The following KCND3 variants were observed in gnomAD, a reference collection of about 807,000 sequenced individuals.
The protein encoded by KCND3 is A-type voltage-gated potassium channel KCND3.
Under a neutral mutation model 51.1 loss-of-function variants are expected in KCND3, and 9 were observed. The observed-to-expected ratio is 0.18, with a 90% CI of 0.11 to 0.31. The LOEUF is 0.31. Among genes scored for constraint, KCND3 ranks in the 10% least tolerant of loss-of-function variants. The pLI, the probability that KCND3 is intolerant of heterozygous loss-of-function variation, is 1.00. For synonymous variants in KCND3, 349 were observed against 368.0 expected, an observed-to-expected ratio of 0.95 and a Z score of 0.59; for missense variants, 526 against 903.8, an observed-to-expected ratio of 0.58 and a Z score of 5.36.
intron 2 of KCND3, among the ~76,000 whole-genome samples, chr1:111,915,907 A>T (rs1671194120): frequency 6.6e-6 from 1 of 152,064 alleles, no homozygotes; most frequent in Admixed American, 6.6e-5. Context: ...GTATTTGTTG[A>T]TAGACCTCAA....
chr1:111,848,651 G>T (rs1667671012), intron 2 of KCND3, among the ~76,000 whole-genome samples: 1 of 152,236 alleles, frequency 6.6e-6, no homozygotes, highest in Non-Finnish European at 1.5e-5. Context: ...GCGGCATGGT[G>T]CGTGGCCCCT....
At chr1:111,873,594 T>C (rs1668922122) in intron 2 of KCND3, among the ~76,000 whole-genome samples, 1 of 152,104 alleles carries the variant, frequency 6.6e-6, no homozygotes, top group Non-Finnish European at 1.5e-5. Context: ...ACAGGCTAAG[T>C]GTCTGTTATG....
At chr1:111,886,524 C>T (rs188075591) in intron 2 of KCND3, among the ~76,000 whole-genome samples, 1 of 152,302 alleles carries the variant, frequency 6.6e-6, no homozygotes, top group Non-Finnish European at 1.5e-5. Context: ...GGGTTAGGGG[C>T]TTTTTGTATA....
chr1:111,984,274 C>T (rs1190578484), intron 1 of KCND3, among the ~76,000 whole-genome samples: 1 of 152,160 alleles, frequency 6.6e-6, no homozygotes, highest in African/African-American at 2.4e-5. Flanking sequence ...CAGATCTCTA[C>T]CTCCCTCAAA....
At chr1:111,859,985 G>A (rs1166310310) in intron 2 of KCND3, among the ~76,000 whole-genome samples, 1 of 152,202 alleles carries the variant, frequency 6.6e-6, no homozygotes, top group Non-Finnish European at 1.5e-5. Context: ...GGAATCTTCT[G>A]CATGCTGCAG....
intron 2 of KCND3, among the ~76,000 whole-genome samples, chr1:111,925,491 G>T (rs1400809515): frequency 6.6e-6 from 1 of 152,202 alleles, no homozygotes; most frequent in African/African-American, 2.4e-5. Context: ...AGCAGTTTTA[G>T]TGGTTAACAG....
At chr1:111,917,804 G>C (rs1671293413) in intron 2 of KCND3, among the ~76,000 whole-genome samples, 3 of 152,176 alleles carry the variant, frequency 2.0e-5, no homozygotes, top group Admixed American at 6.5e-5. Context: ...CCAGACCACT[G>C]CACCTTCCAC....
chr1:111,852,143 A>G (rs1165858340), intron 2 of KCND3, among the ~76,000 whole-genome samples: 1 of 152,204 alleles, frequency 6.6e-6, no homozygotes, highest in African/African-American at 2.4e-5. Context: ...CCCAATATTA[A>G]TCAGGTGCCT....
At chr1:111,817,100 G>C (rs1288034179) in intron 2 of KCND3, among the ~76,000 whole-genome samples, 2 of 151,872 alleles carry the variant, frequency 1.3e-5, no homozygotes, top group Admixed American at 6.6e-5. Flanking sequence ...AGTGTACACT[G>C]TACCAAATAT....
At chr1:111,979,564 A>G (rs1028954518) in intron 2 of KCND3, among the ~76,000 whole-genome samples, 3 of 152,220 alleles carry the variant, frequency 2.0e-5, no homozygotes, top group Non-Finnish European at 2.9e-5. Context: ...CCCTGATGGC[A>G]TGGGAATGAG....
chr1:111,849,798 C>T (rs1667725243), intron 2 of KCND3, among the ~76,000 whole-genome samples: 1 of 152,186 alleles, frequency 6.6e-6, no homozygotes, highest in Admixed American at 6.5e-5. Flanking sequence ...AACTCCGTGG[C>T]CCTGTCCCCT....
chr1:111,857,841 T>C (rs377687349), intron 2 of KCND3, among the ~76,000 whole-genome samples: 1 of 152,138 alleles, frequency 6.6e-6, no homozygotes, highest in Non-Finnish European at 1.5e-5. Context: ...TAGTAATATA[T>C]GAATTTCACT....
At chr1:111,983,606 T>C (rs1377491674) in intron 1 of KCND3, among the ~76,000 whole-genome samples, 1 of 152,074 alleles carries the variant, frequency 6.6e-6, no homozygotes, top group East Asian at 1.9e-4. Flanking sequence ...CTTCCATGCA[T>C]CGTCTCTCTC....
chr1:111,880,422 C>T (rs183156872), intron 2 of KCND3, among the ~76,000 whole-genome samples: 4 of 152,218 alleles, frequency 2.6e-5, no homozygotes, highest in East Asian at 1.9e-4. Flanking sequence ...GGAATCTACC[C>T]GCAGCACCTT....
intron 2 of KCND3, among the ~76,000 whole-genome samples, chr1:111,912,157 G>A (rs1266849277): frequency 2.6e-5 from 4 of 152,248 alleles, no homozygotes; most frequent in African/African-American, 9.6e-5. Context: ...AAGAGTTCAT[G>A]TTCCCAGGTG....
At chr1:111,904,439 T>C (rs979690112) in intron 2 of KCND3, among the ~76,000 whole-genome samples, 1 of 152,202 alleles carries the variant, frequency 6.6e-6, no homozygotes, top group African/African-American at 2.4e-5. Context: ...AGCTTTGCTG[T>C]TCTCTTCCCT....
Position 111,882,389 on chromosome 1 carries a change from T to C in KCND3, c.1107-95283A>G, listed in dbSNP as rs1669374324. Among the ~76,000 whole-genome samples, 3 of 152,124 alleles carry C rather than the reference T, an allele frequency of 2.0e-5. No homozygotes were observed. In the South Asian group the frequency reaches 6.2e-4, roughly 32 times the overall value. ...CCAGTGGCACTTCTTGACATCGGTG[T>C]TAGAGAAAGATGACCTGCTGCTGGT... On this transcript the variant is annotated intron_variant, in intron 2 of 7. Transcript: ENST00000302127.
intron 2 of KCND3, among the ~76,000 whole-genome samples, chr1:111,791,136 G>A (rs1185051468): frequency 2.0e-5 from 3 of 152,184 alleles, no homozygotes; most frequent in Admixed American, 1.3e-4. Context: ...CCAGAGTGGC[G>A]GTGCCATTTT....
Position 111,801,617 on chromosome 1 carries a change from G to C in KCND3, c.1107-14511C>G, listed in dbSNP as rs1319014910. Among the ~76,000 whole-genome samples the C allele has an allele frequency of 2.0e-5, 3 of 152,304 alleles. No homozygotes were observed. The East Asian group carries it at 5.8e-4, about 29-fold the overall frequency. ...GCCAGGCCAGATTCAGTGCTTAGCGGTTTGGCCAATTGACCCAATATATGG... is the reference window on the plus strand; with the variant it reads ...GCCAGGCCAGATTCAGTGCTTAGCGCTTTGGCCAATTGACCCAATATATGG... On this transcript the variant is annotated intron_variant, in intron 2 of 7. Coordinates refer to ENST00000302127, the MANE Select transcript of KCND3 (RefSeq NM_001378969.1).
Sources: gnomAD v4.1 joint callset for allele counts (sites outside exome capture counted in the v4.1 genomes callset) on GRCh38, gnomAD v4.1.1 for gene constraint, MANE v1.5 for transcripts, NCBI Gene and HGNC (gene_info 2026-07-23, HGNC 2026-07-21) for gene names.